NXPE4: variants seen among roughly 807,000 people sequenced by gnomAD.
NXPE4 encodes neurexophilin and PC-esterase domain family member 4.
A neutral mutation model predicts 33.3 loss-of-function variants in NXPE4; 42 were observed. That is an observed-to-expected ratio of 1.26 (90% CI 0.98 to 1.63). The LOEUF (loss-of-function observed/expected upper bound fraction) is 1.63, where lower values mean the gene tolerates loss of function less well. Among genes scored for constraint, NXPE4 ranks in the 40% most tolerant of loss-of-function variants. NXPE4 has a pLI of 0.00. For synonymous variants in NXPE4, 253 were observed against 234.9 expected (o/e 1.08, Z -0.71); for missense variants, 709 against 647.6 (o/e 1.09, Z -1.03).
At chr11:114,575,343 G>A (rs1441622488) in intron 5 of NXPE4, among the ~76,000 whole-genome samples, 3 of 152,026 alleles carry the variant, frequency 2.0e-5, no homozygotes, top group Non-Finnish European at 2.9e-5. Flanking sequence ...CCTAGCTAAA[G>A]CAATCAGACA....
the NXPE4 span, among the ~76,000 whole-genome samples, chr11:114,621,786 C>T: frequency 3.9e-5 from 6 of 151,908 alleles, no homozygotes; most frequent in Non-Finnish European, 5.9e-5. Flanking sequence ...ACCACTGTTA[C>T]CCACTGGATA....
chr11:114,631,862 G>C, the NXPE4 span, among the ~76,000 whole-genome samples: 4 of 150,878 alleles, frequency 2.7e-5, no homozygotes, highest in African/African-American at 9.8e-5. Flanking sequence ...GTATTGTGTC[G>C]TGGGTAACCG....
chr11:114,574,965 C>G (rs1948964943), intron 5 of NXPE4, among the ~76,000 whole-genome samples: 2 of 152,102 alleles, frequency 1.3e-5, no homozygotes, highest in African/African-American at 2.4e-5. Context: ...CTAACCAAAT[C>G]CAATGGCATA....
At chr11:114,675,427 C>G in the NXPE4 span, among the ~76,000 whole-genome samples, 75,915 of 151,534 alleles carry the variant, frequency 0.5, 20,155 homozygotes, top group East Asian at 0.79. Context: ...CACCAAAAAA[C>G]TGTTAGAACT....
At chr11:114,624,809 A>G in the NXPE4 span, among the ~76,000 whole-genome samples, 1 of 152,146 alleles carries the variant, frequency 6.6e-6, no homozygotes, top group Non-Finnish European at 1.5e-5. Context: ...GGTGGATAGT[A>G]AGTATTGCCT....
At chr11:114,671,048 T>C in the NXPE4 span, among the ~76,000 whole-genome samples, 3 of 147,828 alleles carry the variant, frequency 2.0e-5, no homozygotes, top group Non-Finnish European at 4.5e-5. Context: ...TATATATATA[T>C]AAAAATATAA....
At position 114,580,172 on chromosome 11, in the gene NXPE4, C is replaced by T. The variant is rs529209406; in HGVS notation, c.1059G>A (p.Thr353=). Residue 353 remains threonine (T), a synonymous_variant, in exon 5 of 6, where the codon ACG becomes ACA. Coordinates refer to ENST00000375478, the MANE Select transcript of NXPE4 (RefSeq NM_001077639.2). The part of the protein sequence containing the change: ...GKLIYLMGDS[T]IRQWMEYFKA... Reference sequence around the variant, plus strand: ...TGAAGTATTCCATCCACTGGCGGATCGTGGAATCTCCCATTAGGTATATGA... The same window carrying T: ...TGAAGTATTCCATCCACTGGCGGATTGTGGAATCTCCCATTAGGTATATGA... The T allele has an allele frequency of 9.3e-5, 150 of 1,614,012 alleles. 3 individuals are homozygous for T. In the Middle Eastern group the frequency reaches 1.8e-3, roughly 20 times the overall value.
chr11:114,619,836 G>A, the NXPE4 span, among the ~76,000 whole-genome samples: 16 of 151,292 alleles, frequency 1.1e-4, no homozygotes, highest in South Asian at 2.1e-4. Flanking sequence ...GTGTTGCCTC[G>A]TTGGTAACCA....
the NXPE4 span, among the ~76,000 whole-genome samples, chr11:114,627,744 G>T: frequency 1.3e-5 from 2 of 152,230 alleles, no homozygotes; most frequent in Non-Finnish European, 1.5e-5. Context: ...AAAGAGTCAA[G>T]ACCCATCAGT....
At chr11:114,617,869 G>A in the NXPE4 span, among the ~76,000 whole-genome samples, 1 of 152,084 alleles carries the variant, frequency 6.6e-6, no homozygotes, top group African/African-American at 2.4e-5. Flanking sequence ...TTGCCTCATG[G>A]GTAACCACTC....
chr11:114,659,459 G>GA, the NXPE4 span, among the ~76,000 whole-genome samples: 1,927 of 145,576 alleles, frequency 0.013, 51 homozygotes, highest in African/African-American at 0.042. Flanking sequence ...AAAGAGTGAA[G>GA]AAAAAAAAAA....
chr11:114,630,973 G>C, the NXPE4 span, among the ~76,000 whole-genome samples: 2 of 150,848 alleles, frequency 1.3e-5, no homozygotes, highest in East Asian at 3.9e-4. Context: ...ACCACAATGA[G>C]ATACCATCTC....
intron 2 of NXPE4, chr11:114,583,420 T>G: frequency 1.5e-6 from 1 of 656,650 alleles, no homozygotes; most frequent in African/African-American, 1.8e-5. Context: ...CCCATCACCC[T>G]CACAAAGCCA....
the NXPE4 span, among the ~76,000 whole-genome samples, chr11:114,649,577 A>G: frequency 6.6e-6 from 1 of 152,218 alleles, no homozygotes; most frequent in Non-Finnish European, 1.5e-5. Flanking sequence ...CTGGGCAACT[A>G]GGTAAAAAAC....
chr11:114,583,430 A>G, intron 2 of NXPE4: 1 of 664,724 alleles, frequency 1.5e-6, no homozygotes, highest in Non-Finnish European at 2.8e-6. Context: ...TCACAAAGCC[A>G]ATGCTGAGGA....
intron 2 of NXPE4, among the ~76,000 whole-genome samples, chr11:114,584,857 G>C (rs1440034056): frequency 1.3e-5 from 2 of 152,148 alleles, no homozygotes; most frequent in African/African-American, 4.8e-5. Context: ...GCCCAGGGCA[G>C]CTGTGCTGGG....
At chr11:114,584,304 G>T in intron 2 of NXPE4, 1 of 510,976 alleles carries the variant, frequency 2.0e-6, no homozygotes, top group South Asian at 1.5e-5. Context: ...CTTCCAATAT[G>T]ACTAACCAGA....
At chr11:114,676,601 G>A in the NXPE4 span, among the ~76,000 whole-genome samples, 3 of 151,886 alleles carry the variant, frequency 2.0e-5, no homozygotes, top group South Asian at 2.1e-4. Context: ...TCAAAAAGAC[G>A]AAAGATAAGT....
chr11:114,583,425 A>G (rs2292817), intron 2 of NXPE4: 57,715 of 656,204 alleles, frequency 0.088, 3,080 homozygotes, highest in Middle Eastern at 0.16. Context: ...CACCCTCACA[A>G]AGCCAATGCT....
Sources: gnomAD v4.1 joint callset for allele counts (sites outside exome capture counted in the v4.1 genomes callset) on GRCh38, gnomAD v4.1.1 for gene constraint, MANE v1.5 for transcripts, NCBI Gene and HGNC (gene_info 2026-07-23, HGNC 2026-07-21) for gene names.